RAD51B: variants seen among roughly 807,000 people sequenced by gnomAD.
The protein encoded by RAD51B is RAD51 paralog B, also known as DNA repair protein RAD51 homolog 2.
In RAD51B, 38 loss-of-function variants were observed where a neutral mutation model predicts 42.2. That is an observed-to-expected ratio of 0.90 (90% CI 0.70 to 1.18). The LOEUF is 1.18. Among genes scored for constraint, RAD51B ranks in the 50% most tolerant of loss-of-function variants. The pLI, the probability that RAD51B is intolerant of heterozygous loss-of-function variation, is 0.00. For missense variants in RAD51B, 373 were observed against 400.7 expected (o/e 0.93, Z 0.59); for synonymous variants, 154 against 145.2 (o/e 1.06, Z -0.43).
chr14:68,579,363 G>A (rs945406106), intron 10 of RAD51B, among the ~76,000 whole-genome samples: 1 of 152,156 alleles, frequency 6.6e-6, no homozygotes, highest in Middle Eastern at 3.2e-3. Flanking sequence ...TATTCCTGGA[G>A]CACAGAATGT....
chr14:68,600,425 G>A (rs926463314), downstream of RAD51B, among the ~76,000 whole-genome samples: 9 of 152,204 alleles, frequency 5.9e-5, no homozygotes, highest in African/African-American at 2.2e-4. Context: ...TAGACTGGGA[G>A]TGTGTACTGC....
chr14:67,995,583 G>A (rs1234137940), intron 7 of RAD51B, among the ~76,000 whole-genome samples: 5 of 151,450 alleles, frequency 3.3e-5, no homozygotes, highest in African/African-American at 9.7e-5. Flanking sequence ...GAATACTATT[G>A]GAGACCAAGC....
At chr14:68,573,978 GTA>G (rs1384263906) in intron 10 of RAD51B, among the ~76,000 whole-genome samples, 2 of 54,936 alleles carry the variant, frequency 3.6e-5, no homozygotes, top group African/African-American at 6.6e-5. Flanking sequence ...GTCAGTGTGT[GTA>G]TGTGTGTGTG....
intron 7 of RAD51B, among the ~76,000 whole-genome samples, chr14:68,059,498 C>T (rs1296498698): frequency 6.6e-6 from 1 of 152,120 alleles, no homozygotes; most frequent in Admixed American, 6.6e-5. Context: ...TCATCATTTC[C>T]TGGATAGCCC....
chr14:67,901,832 A>G (rs1405288809), intron 7 of RAD51B, among the ~76,000 whole-genome samples: 2 of 152,164 alleles, frequency 1.3e-5, no homozygotes, highest in African/African-American at 2.4e-5. Flanking sequence ...CAAATACCAC[A>G]TATAAGTGGG....
At chr14:67,854,710 C>T (rs1006508931) in intron 4 of RAD51B, among the ~76,000 whole-genome samples, 1 of 151,816 alleles carries the variant, frequency 6.6e-6, no homozygotes, top group Non-Finnish European at 1.5e-5. Context: ...TGCCTGTAAT[C>T]CCAGCACTTT....
chr14:68,612,974 T>TTG (rs148497963), downstream of RAD51B, among the ~76,000 whole-genome samples: 2 of 151,806 alleles, frequency 1.3e-5, no homozygotes, highest in South Asian at 2.1e-4. Flanking sequence ...AGAGGTGTGT[T>TTG]TGTGTGTGTG....
At position 68,220,481 on chromosome 14, in the gene RAD51B, C is replaced by T. The variant is rs111629181; in HGVS notation, c.757-71403C>T. Reference sequence around the variant, plus strand: ...GGACACACCTTAAGGTAATATAAGCCGTCTATGACACACACACAGCCAACA... The same window carrying T: ...GGACACACCTTAAGGTAATATAAGCTGTCTATGACACACACACAGCCAACA... On this transcript the variant is annotated intron_variant, in intron 7 of 10. Transcript: ENST00000471583. Among the ~76,000 whole-genome samples the T allele has an allele frequency of 4.2e-3, 641 of 152,194 alleles. 5 individuals are homozygous for T. Among genetic ancestry groups the T allele is most frequent in the African/African-American group, 0.015 (604 of 41,540 alleles).
chr14:68,667,098 A>G (rs1324894089), intron 11 of RAD51B, among the ~76,000 whole-genome samples: 1 of 152,262 alleles, frequency 6.6e-6, no homozygotes, highest in African/African-American at 2.4e-5. Context: ...AGATGTATCT[A>G]GAGAGATGTA....
intron 7 of RAD51B, among the ~76,000 whole-genome samples, chr14:67,891,477 C>G (rs1420037271): frequency 1.3e-5 from 2 of 151,940 alleles, no homozygotes; most frequent in African/African-American, 2.4e-5. Context: ...AAAATATGTG[C>G]ATTTTAAATT....
intron 7 of RAD51B, among the ~76,000 whole-genome samples, chr14:67,904,727 GTC>G (rs1401115259): frequency 6.6e-6 from 1 of 151,684 alleles, no homozygotes; most frequent in Admixed American, 6.6e-5. Context: ...TTTGAGAAAT[GTC>G]TGTTTATGTC....
chr14:68,285,472 G>A (rs1477454177), intron 7 of RAD51B, among the ~76,000 whole-genome samples: 2 of 152,182 alleles, frequency 1.3e-5, no homozygotes, highest in Non-Finnish European at 2.9e-5. Context: ...ATTGGATTTA[G>A]TGCCAGGCGG....
At chr14:68,377,505 A>C (rs544437295) in intron 8 of RAD51B, among the ~76,000 whole-genome samples, 1 of 152,342 alleles carries the variant, frequency 6.6e-6, no homozygotes, top group East Asian at 1.9e-4. Flanking sequence ...GATGAGCAGA[A>C]GAATCCAGCC....
At chr14:67,958,399 A>C (rs1245585212) in intron 7 of RAD51B, among the ~76,000 whole-genome samples, 2 of 152,168 alleles carry the variant, frequency 1.3e-5, no homozygotes, top group African/African-American at 4.8e-5. Flanking sequence ...ACACGGCTAT[A>C]TGAGATCTTA....
At chr14:68,478,618 C>T (rs990871687), downstream of RAD51B, among the ~76,000 whole-genome samples, 2 of 152,252 alleles carry the variant, frequency 1.3e-5, no homozygotes, top group Non-Finnish European at 2.9e-5. Context: ...ATCTTTCCAG[C>T]CTTTGGCCTT....
At chr14:68,525,320 T>G (rs1385747556) in intron 10 of RAD51B, among the ~76,000 whole-genome samples, 1 of 152,258 alleles carries the variant, frequency 6.6e-6, no homozygotes, top group Admixed American at 6.5e-5. Context: ...GTGAGACCCA[T>G]GTCAGACTTT....
At chr14:68,489,316 T>C (rs1883891725) in intron 10 of RAD51B, among the ~76,000 whole-genome samples, 1 of 152,170 alleles carries the variant, frequency 6.6e-6, no homozygotes. Flanking sequence ...GGCTCATGAG[T>C]AGACTGCCTG....
At position 68,508,637 on chromosome 14, in the gene RAD51B, G is replaced by C. The variant is rs79105282; in HGVS notation, c.1036+40387G>C. The stretch of plus-strand genomic sequence containing the variant: ...TGGAAGGGTCTCCACCCCAGGCCTG[G>C]TCCTGCAGGAAATGGTTCCCGTGGG... On this transcript the variant is annotated intron_variant, in intron 10 of 10. Coordinates refer to the RAD51B transcript ENST00000487270. 7.3e-3 allele frequency among the ~76,000 whole-genome samples: 1,118 copies of C among 152,238 alleles called. 12 individuals carry two copies. The highest frequency in any genetic ancestry group is 0.026 in the African/African-American group (1,093 of 41,540).
chr14:68,032,207 A>G (rs57990032), intron 7 of RAD51B, among the ~76,000 whole-genome samples: 41,323 of 152,022 alleles, frequency 0.27, 7,291 homozygotes, highest in African/African-American at 0.5. Flanking sequence ...GGTACACAGT[A>G]AGCATGCAAA....
Sources: allele counts gnomAD v4.1 joint callset (sites outside exome capture counted in the v4.1 genomes callset), GRCh38; gene constraint gnomAD v4.1.1; transcripts MANE v1.5; gene names NCBI Gene and HGNC (gene_info 2026-07-23, HGNC 2026-07-21).